CCDC171: variants seen among roughly 807,000 people sequenced by gnomAD.
CCDC171 encodes the protein coiled-coil domain-containing protein 171.
A neutral mutation model predicts 168.2 loss-of-function variants in CCDC171; 177 were observed. The observed-to-expected ratio is 1.05, with a 90% CI of 0.93 to 1.19. CCDC171 has a LOEUF of 1.19. CCDC171 is among the 50% of genes most tolerant of loss of function. CCDC171 has a pLI of 0.00. For missense variants in CCDC171, 1,991 were observed against 1,539.0 expected, an observed-to-expected ratio of 1.29 and a Z score of -4.91; for synonymous variants, 687 against 540.8, an observed-to-expected ratio of 1.27 and a Z score of -3.75.
intron 11 of CCDC171, among the ~76,000 whole-genome samples, chr9:15,703,082 T>A: frequency 6.6e-6 from 1 of 152,154 alleles, no homozygotes. Context: ...TTTTTTTAAT[T>A]TTTAGTAGAG....
chr9:15,906,469 A>G (rs1822626133), intron 24 of CCDC171, among the ~76,000 whole-genome samples: 1 of 152,232 alleles, frequency 6.6e-6, no homozygotes, highest in African/African-American at 2.4e-5. Context: ...ACAAAATTGG[A>G]CAACGCTTCA....
rs140206387 is a variant in CCDC171, at chr9:15,632,866, C to T, written c.822+9453C>T. ...AGAACAGAGCACTCTGAAATAATGCCGCATATCTATGACTATCTGATCTTT... is the reference window on the plus strand; with the variant it reads ...AGAACAGAGCACTCTGAAATAATGCTGCATATCTATGACTATCTGATCTTT... On this transcript the variant is annotated intron_variant, in intron 7 of 25. Coordinates refer to ENST00000380701, the MANE Select transcript of CCDC171 (RefSeq NM_173550.4). Among the ~76,000 whole-genome samples the T allele has an allele frequency of 1.4e-3, 209 of 152,190 alleles. 2 individuals carry two copies. The highest frequency in any genetic ancestry group is 2.4e-3 in the Non-Finnish European group (162 of 68,012).
At chr9:15,666,393 G>A (rs2048736506) in intron 9 of CCDC171, 70 bp downstream of exon 9, 1 of 1,062,958 alleles carries the variant, frequency 9.4e-7, no homozygotes, top group East Asian at 2.6e-5. Flanking sequence ...AAATATGAAT[G>A]TATACTATGT....
intron 7 of CCDC171, among the ~76,000 whole-genome samples, chr9:15,625,846 T>C (rs941359194): frequency 6.6e-6 from 1 of 152,240 alleles, no homozygotes; most frequent in African/African-American, 2.4e-5. Flanking sequence ...TTTTTCCAAT[T>C]CTGTGAAGAA....
chr9:15,931,456 C>CTTTTTTTTTTTTTTTTTT (rs57124025), intron 25 of CCDC171, among the ~76,000 whole-genome samples: 31 of 44,994 alleles, frequency 6.9e-4, no homozygotes, highest in East Asian at 2.2e-3. Flanking sequence ...TTCTTTCTTT[C>CTTTTTTTTTTTTTTTTTT]TTTTTTTTTT....
intron 4 of CCDC171, among the ~76,000 whole-genome samples, chr9:15,583,031 C>T (rs1183536499): frequency 1.3e-5 from 2 of 151,816 alleles, no homozygotes; most frequent in African/African-American, 2.4e-5. Flanking sequence ...ATGAAAAAGA[C>T]ACATGCACAC....
At chr9:16,018,690 T>G (rs1190498674) in intron 3 of CCDC171, among the ~76,000 whole-genome samples, 1 of 152,248 alleles carries the variant, frequency 6.6e-6, no homozygotes, top group Non-Finnish European at 1.5e-5. Context: ...AGTGGAGCTG[T>G]GCTCCAACAC....
chr9:15,881,920 A>G (rs543288657), intron 24 of CCDC171, among the ~76,000 whole-genome samples: 1 of 152,140 alleles, frequency 6.6e-6, no homozygotes, highest in Non-Finnish European at 1.5e-5. Context: ...AGGAGTACAG[A>G]TGCCTTGTGA....
At chr9:16,026,577 T>C (rs1306766373) in intron 6 of CCDC171, among the ~76,000 whole-genome samples, 3 of 152,150 alleles carry the variant, frequency 2.0e-5, no homozygotes, top group African/African-American at 7.2e-5. Flanking sequence ...TGAATTTTGC[T>C]CATCAGTTGA....
At chr9:15,699,777 G>C (rs999105021) in intron 11 of CCDC171, among the ~76,000 whole-genome samples, 1 of 152,156 alleles carries the variant, frequency 6.6e-6, no homozygotes, top group African/African-American at 2.4e-5. Flanking sequence ...TAGACATAAA[G>C]GTTCTCCAAG....
At chr9:15,925,826 T>G (rs894780603) in intron 25 of CCDC171, among the ~76,000 whole-genome samples, 1 of 151,718 alleles carries the variant, frequency 6.6e-6, no homozygotes, top group Admixed American at 6.6e-5. Flanking sequence ...TAGTACTTTG[T>G]ACCATCATCT....
At chr9:16,096,382 T>G in the CCDC171 span, among the ~76,000 whole-genome samples, 3 of 152,286 alleles carry the variant, frequency 2.0e-5, 1 homozygote, top group Middle Eastern at 6.8e-3. Context: ...GATTTCCAGC[T>G]GTTTAGATGG....
In CCDC171 at chr9:15,937,145, A is replaced by G. The variant is rs1024492732; in HGVS notation, c.3753+16723A>G. ...TATTTCAAATCCAGCATGTTGGTTT[A>G]ACCGCCCAATTTTATTACACCTAAA... On this transcript the variant is annotated intron_variant, in intron 25 of 25. Coordinates refer to ENST00000380701, the MANE Select transcript of CCDC171 (RefSeq NM_173550.4). 2.0e-5 allele frequency among the ~76,000 whole-genome samples: 3 copies of G among 152,094 alleles called. 1 individual carries two copies. Among genetic ancestry groups the G allele is most frequent in the Admixed American group, 1.3e-4 (2 of 15,258 alleles).
intron 25 of CCDC171, among the ~76,000 whole-genome samples, chr9:15,944,514 TACAAC>T (rs940034949): frequency 1.3e-5 from 2 of 152,050 alleles, no homozygotes; most frequent in African/African-American, 4.8e-5. Flanking sequence ...ATTCAATACT[TACAAC>T]ACTCTTATGG....
At chr9:15,712,638 G>A (rs10738406) in intron 11 of CCDC171, among the ~76,000 whole-genome samples, 70,409 of 152,006 alleles carry the variant, frequency 0.46, 16,856 homozygotes, top group East Asian at 0.78. Flanking sequence ...GTCTATCTTA[G>A]TAAGAATAAA....
intron 8 of CCDC171, among the ~76,000 whole-genome samples, chr9:15,661,296 A>AAAAAAAAAAAC (rs1564160074): frequency 2.1e-5 from 3 of 141,500 alleles, no homozygotes; most frequent in Non-Finnish European, 3.1e-5. Flanking sequence ...AAAAAAAAAA[A>AAAAAAAAAAAC]AAAAGTAACA....
chr9:15,657,029 C>A, intron 7 of CCDC171, 98 bp from the exon 8 acceptor site: 1 of 520,810 alleles, frequency 1.9e-6, no homozygotes, highest in Non-Finnish European at 3.2e-6. Flanking sequence ...GCTGCAAGTC[C>A]ACTAATCTAA....
chr9:15,615,229 A>C (rs962756858), intron 6 of CCDC171, among the ~76,000 whole-genome samples: 1 of 152,182 alleles, frequency 6.6e-6, no homozygotes, highest in Non-Finnish European at 1.5e-5. Flanking sequence ...CAATCAATAT[A>C]ATTCTAACTC....
At chr9:15,720,834 C>A (rs1450096973) in intron 11 of CCDC171, among the ~76,000 whole-genome samples, 2 of 152,162 alleles carry the variant, frequency 1.3e-5, no homozygotes, top group African/African-American at 4.8e-5. Context: ...TGCTATCCCT[C>A]CTCCCTCCAC....
Sources: gnomAD v4.1 joint callset for allele counts (sites outside exome capture counted in the v4.1 genomes callset) on GRCh38, gnomAD v4.1.1 for gene constraint, MANE v1.5 for transcripts, NCBI Gene and HGNC (gene_info 2026-07-23, HGNC 2026-07-21) for gene names.